Variants in FBXL14 observed in about 807,000 individuals in gnomAD.
FBXL14 encodes the protein F-box/LRR-repeat protein 14.
A neutral mutation model predicts 24.5 loss-of-function variants in FBXL14; 11 were observed. That is an observed-to-expected ratio of 0.45 (90% CI 0.28 to 0.74). The LOEUF (loss-of-function observed/expected upper bound fraction) is 0.74, where lower values mean the gene tolerates loss of function less well. Among genes scored for constraint, FBXL14 ranks in the 30% least tolerant of loss-of-function variants. The pLI, the probability that FBXL14 is intolerant of heterozygous loss-of-function variation, is 0.12. For missense variants in FBXL14, 384 were observed against 545.6 expected (o/e 0.70, Z 2.95); for synonymous variants, 294 against 240.4 (o/e 1.22, Z -2.06).
intron 1 of FBXL14, among the ~76,000 whole-genome samples, chr12:1,568,558 T>C (rs1374760028): frequency 6.6e-6 from 1 of 152,174 alleles, no homozygotes; most frequent in Non-Finnish European, 1.5e-5. Flanking sequence ...ATAACAACAA[T>C]GTATTCAATT....
chr12:1,566,852 GC>G (rs1257745747), intron 1 of FBXL14, 42 bp from the exon 2 acceptor site: 1 of 779,242 alleles, frequency 1.3e-6, no homozygotes, highest in Non-Finnish European at 2.4e-6. Context: ...GAAAGAGACT[GC>G]CGCACTCTGC....
At chr12:1,581,216 G>T (rs2094465658) in intron 1 of FBXL14, among the ~76,000 whole-genome samples, 1 of 146,730 alleles carries the variant, frequency 6.8e-6, no homozygotes, top group South Asian at 2.3e-4. Context: ...TTTAGGGTGG[G>T]GGGTGGGTGT....
At chr12:1,568,192 A>G (rs2094439420) in intron 1 of FBXL14, among the ~76,000 whole-genome samples, 2 of 152,350 alleles carry the variant, frequency 1.3e-5, no homozygotes, top group South Asian at 4.1e-4. Context: ...CCTGTAGAGG[A>G]GCAAAGGGAA....
intron 1 of FBXL14, among the ~76,000 whole-genome samples, chr12:1,580,536 G>T (rs1565585814): frequency 1.3e-5 from 2 of 152,136 alleles, no homozygotes; most frequent in African/African-American, 2.4e-5. Flanking sequence ...ACATAGTGGG[G>T]GGGGAGGTCC....
rs1488626826 is a variant in FBXL14 at position 1,569,424 on chromosome 12, G to A, written c.1195-2614C>T. ...TTTTTTTTTTTTTTTTGTCTGAGAC[G>A]GAGTCTCGCTCTGTCACCCAGGCTA... On this transcript the variant is annotated intron_variant, in intron 1 of 1. Coordinates refer to ENST00000339235, the MANE Select transcript of FBXL14 (RefSeq NM_152441.3). The surrounding 1 kb of genome is among the most constrained non-coding windows in gnomAD (Gnocchi z 4.2). Among the ~76,000 whole-genome samples, 20 of 146,570 alleles carry A rather than the reference G, an allele frequency of 1.4e-4. No homozygotes were observed. Among genetic ancestry groups the A allele is most frequent in the East Asian group, 4.0e-4 (2 of 5,026 alleles).
intron 1 of FBXL14, among the ~76,000 whole-genome samples, chr12:1,588,747 C>G (rs1466693393): frequency 2.0e-5 from 3 of 152,100 alleles, no homozygotes; most frequent in Non-Finnish European, 2.9e-5. Context: ...TTTCAGTTCT[C>G]AAGTTTCAGC....
At position 1,593,712 on chromosome 12, in the gene FBXL14, G is replaced by A. The variant is rs2094495571; in HGVS notation, c.355C>T (p.Leu119=). The A allele has an allele frequency of 1.2e-6, 2 of 1,614,018 alleles. No homozygotes were observed. Among genetic ancestry groups the A allele is most frequent in the Admixed American group, 1.7e-5 (1 of 60,012 alleles). The change falls in exon 1 of 2, where the codon CTG becomes TTG. Residue 119 remains leucine (L), a synonymous_variant. Transcript: ENST00000339235. The surrounding 1 kb of genome is among the most constrained non-coding windows in gnomAD (Gnocchi z 7.4). ...CAGAGGCTCAGGTTGAGAGCGCGCA[G>A]GGAGCCGATCTCCTGCACAAACGCG... The part of the protein sequence containing the change: ...GHAFVQEIGS[L]RALNLSLCKQ...
intron 1 of FBXL14, among the ~76,000 whole-genome samples, chr12:1,568,750 A>G (rs985109973): frequency 6.6e-6 from 1 of 152,022 alleles, no homozygotes; most frequent in Non-Finnish European, 1.5e-5. Context: ...AATCCCAGCT[A>G]CTCGCGAGGC....
chr12:1,585,322 C>G (rs917112622), intron 1 of FBXL14, among the ~76,000 whole-genome samples: 1 of 151,398 alleles, frequency 6.6e-6, no homozygotes, highest in Non-Finnish European at 1.5e-5. Flanking sequence ...GGCGTGAACC[C>G]GGGAGGCAGA....
In FBXL14 at chr12:1,594,156, A is replaced by AGCCGCCGCCGCCGCC. The variant is rs544992054; in HGVS notation, c.-105_-91dup. The AGCCGCCGCCGCCGCC allele has an allele frequency of 1.2e-3, 664 of 555,742 alleles. 1 individual carries two copies. Among genetic ancestry groups the AGCCGCCGCCGCCGCC allele is most frequent in the East Asian group, 4.6e-3 (108 of 23,648 alleles). 34.4% of individuals were successfully genotyped at this position (555,742 alleles called of 1,614,324 possible). A position where few individuals can be genotyped will look rare whatever the true frequency, so the allele number is the denominator to read the frequency against. ...GCAGGCGACGAGAGCGCTTCTCCCC[A>AGCCGCCGCCGCCGCC]GCCGCCGCCGCCGCCGCCGCCGCCG... On this transcript the variant is annotated 5_prime_UTR_variant, in exon 1 of 2. Transcript: ENST00000339235.
At chr12:1,575,611 C>T (rs995249175) in intron 1 of FBXL14, among the ~76,000 whole-genome samples, 1 of 152,194 alleles carries the variant, frequency 6.6e-6, no homozygotes, top group African/African-American at 2.4e-5. Flanking sequence ...TCCTCCGAAT[C>T]GGCCCTCTCC....
At chr12:1,590,335 T>A (rs1228398490) in intron 1 of FBXL14, among the ~76,000 whole-genome samples, 2 of 152,158 alleles carry the variant, frequency 1.3e-5, no homozygotes, top group Non-Finnish European at 2.9e-5. Flanking sequence ...CAAAACAATC[T>A]TATCCCAAGA....
intron 1 of FBXL14, among the ~76,000 whole-genome samples, chr12:1,578,799 G>A (rs1315448792): frequency 6.6e-6 from 1 of 152,062 alleles, no homozygotes; most frequent in African/African-American, 2.4e-5. Context: ...GGGCGGCTTC[G>A]GAGCAGCTCT....
chr12:1,593,132 A>G lies in FBXL14; in HGVS notation c.935T>C (p.Leu312Pro). ...QGLDGLKSLS[L>P]CSCHISDDGI... ...ATCATCACTGATGTGGCAGGAGCAGAGGGAGAGAGACTTGAGGCCATCCAG... is the reference window on the plus strand; with the variant it reads ...ATCATCACTGATGTGGCAGGAGCAGGGGGAGAGAGACTTGAGGCCATCCAG... The change falls in exon 1 of 2, where the codon CTC (leucine) becomes CCC (proline). Residue 312 changes from leucine (L) to proline (P), a missense_variant. Physicochemically the swap from Leu to Pro is moderately conservative, Grantham distance 98. Transcript: ENST00000339235. This position sits in a 1 kb window ranked among gnomAD's most constrained non-coding sequence, Gnocchi z 7.4. 6.2e-7 allele frequency: 1 copy of G among 1,613,744 alleles called. No homozygotes were observed. The highest frequency in any genetic ancestry group is 8.5e-7 in the Non-Finnish European group (1 of 1,180,032).
rs774838942 is a variant in FBXL14 at position 1,567,101 on chromosome 12, G to A, written c.1195-291C>T. On this transcript the variant is annotated intron_variant, in intron 1 of 1. Coordinates refer to ENST00000339235, the MANE Select transcript of FBXL14 (RefSeq NM_152441.3). The surrounding 1 kb of genome is among the most constrained non-coding windows in gnomAD (Gnocchi z 4.8). ...GTAGACCTTCCCACCGCACACTCAC[G>A]GCCTCTTTACAGCAGCTGCCTTTAC... 4.2e-4 allele frequency among the ~76,000 whole-genome samples: 64 copies of A among 152,160 alleles called. No individual in the cohort carries two copies. Among genetic ancestry groups the A allele is most frequent in the African/African-American group, 1.3e-3 (55 of 41,518 alleles).
At position 1,566,562 on chromosome 12, in the gene FBXL14, A is replaced by G. The variant is rs1156264741; in HGVS notation, c.*186T>C. ...CTCAGAGCAAACCACTGTCCCCAGA[A>G]CTGGAGAAACCGGCAGGAGAATGCA... On this transcript the variant is annotated 3_prime_UTR_variant, in exon 2 of 2. Coordinates refer to ENST00000339235, the MANE Select transcript of FBXL14 (RefSeq NM_152441.3). 7 of 567,940 alleles carry G rather than the reference A, an allele frequency of 1.2e-5. No homozygotes were observed. The highest frequency in any genetic ancestry group is 2.2e-5 in the Non-Finnish European group (7 of 317,480). 35.2% of individuals were successfully genotyped at this position (567,940 alleles called of 1,614,324 possible).
rs2094462863 is a variant in FBXL14 at position 1,579,850 on chromosome 12, GTC to G, written c.1194+13021_1194+13022del. ...TAACCAGCTGGGATTAGAATGAGCA[GTC>G]TCTCGATGCTGAAATGGAATGATGA... On this transcript the variant is annotated intron_variant, in intron 1 of 1. Coordinates refer to ENST00000339235, the MANE Select transcript of FBXL14 (RefSeq NM_152441.3). The surrounding 1 kb of genome is among the most constrained non-coding windows in gnomAD (Gnocchi z 4.3). Among the ~76,000 whole-genome samples the G allele has an allele frequency of 6.6e-6, 1 of 152,170 alleles. No homozygotes were observed. The highest frequency in any genetic ancestry group is 1.5e-5 in the Non-Finnish European group (1 of 68,040).
At chr12:1,589,862 C>A (rs951060591) in intron 1 of FBXL14, among the ~76,000 whole-genome samples, 1 of 152,096 alleles carries the variant, frequency 6.6e-6, no homozygotes, top group Non-Finnish European at 1.5e-5. Context: ...TTTAGTCAAG[C>A]GTATATTTAA....
At chr12:1,589,540 C>G (rs1565590140) in intron 1 of FBXL14, among the ~76,000 whole-genome samples, 1 of 151,508 alleles carries the variant, frequency 6.6e-6, no homozygotes, top group East Asian at 1.9e-4. Context: ...ATCCTGGCTC[C>G]CTCACTTACT....
Sources: gnomAD v4.1 joint callset for allele counts (sites outside exome capture counted in the v4.1 genomes callset) on GRCh38, gnomAD v4.1.1 for gene constraint, Gnocchi (gnomAD v3.1) non-coding constraint, MANE v1.5 for transcripts, NCBI Gene and HGNC (gene_info 2026-07-23, HGNC 2026-07-21) for gene names.